The following SHLD1 variants were observed in gnomAD, a reference collection of about 807,000 sequenced individuals.
The protein encoded by SHLD1 is RINN1-REV7-interacting novel NHEJ regulator 3.
In SHLD1, 3 loss-of-function variants were observed where a neutral mutation model predicts 5.5. The observed-to-expected ratio is 0.54, with a 90% CI of 0.25 to 1.40. SHLD1 has a LOEUF of 1.40. SHLD1 is among the 40% of genes most tolerant of loss of function. The pLI is 0.15. For synonymous variants in SHLD1, 92 were observed against 94.3 expected (o/e 0.98, Z 0.14); for missense variants, 210 against 244.4 (o/e 0.86, Z 0.94).
chr20:5,769,252 T>C (rs997036005), intron 1 of SHLD1, among the ~76,000 whole-genome samples: 2 of 152,218 alleles, frequency 1.3e-5, no homozygotes, highest in African/African-American at 2.4e-5. Context: ...CTGTGTGGTA[T>C]TTCATTGAGA....
Position 5,779,709 on chromosome 20 carries a change from A to T in SHLD1, c.178+6666A>T, listed in dbSNP as rs114760448. ...AGCCAAGGTTTCCAGTTGGAGGGTCATTCAGGGTGACTCACCATTGGTCTC... is the reference window on the plus strand; with the variant it reads ...AGCCAAGGTTTCCAGTTGGAGGGTCTTTCAGGGTGACTCACCATTGGTCTC... On this transcript the variant is annotated intron_variant, in intron 2 of 2. Transcript: ENST00000303142. 5.4e-3 allele frequency among the ~76,000 whole-genome samples: 829 copies of T among 152,294 alleles called. 10 individuals are homozygous for T. Among genetic ancestry groups the T allele is most frequent in the African/African-American group, 0.019 (785 of 41,560 alleles).
At chr20:5,807,890 C>T (rs1020258489) in intron 2 of SHLD1, among the ~76,000 whole-genome samples, 1 of 152,136 alleles carries the variant, frequency 6.6e-6, no homozygotes, top group South Asian at 2.1e-4. Context: ...ATTGTTGTGA[C>T]ACTTGTGATA....
Position 5,762,987 on chromosome 20 carries a change from AAAAAT to A in SHLD1, c.-4-9873_-4-9869del, listed in dbSNP as rs1177787465. Among the ~76,000 whole-genome samples the A allele has an allele frequency of 4.8e-4, 73 of 151,292 alleles. No individual in the cohort carries two copies. In the East Asian group the frequency reaches 0.013, roughly 26 times the overall value. ...ACTCCGTCTCAAAAAAAAAAAAAAAAAAAATAGCACCTAATTGCCACAAAGAAGTG... is the reference window on the plus strand; with the variant it reads ...ACTCCGTCTCAAAAAAAAAAAAAAAAAGCACCTAATTGCCACAAAGAAGTG... On this transcript the variant is annotated intron_variant, in intron 1 of 2. Coordinates refer to ENST00000303142, the MANE Select transcript of SHLD1 (RefSeq NM_152504.4).
At chr20:5,815,230 G>A (rs111339797) in intron 2 of SHLD1, among the ~76,000 whole-genome samples, 3,236 of 152,242 alleles carry the variant, frequency 0.021, 124 homozygotes, top group African/African-American at 0.074. Context: ...TGATCTTGAT[G>A]CCCGGGACTC....
rs556134697 is a variant in SHLD1 at position 5,752,223 on chromosome 20, C to A, written c.-5+1744C>A. On this transcript the variant is annotated intron_variant, in intron 1 of 2. Coordinates refer to ENST00000303142, the MANE Select transcript of SHLD1 (RefSeq NM_152504.4). ...CCAGCCTGGCCAACATGATGAAACA[C>A]CATCTCTACGAAAAATAAAAAAATT... is the stretch of plus-strand genomic sequence containing the variant. Among the ~76,000 whole-genome samples the A allele has an allele frequency of 4.6e-5, 7 of 152,106 alleles. No individual in the cohort carries two copies. In the East Asian group the frequency reaches 5.8e-4, roughly 13 times the overall value.
chr20:5,833,282 G>C (rs1005397309), intron 2 of SHLD1, among the ~76,000 whole-genome samples: 13 of 152,086 alleles, frequency 8.5e-5, no homozygotes, highest in African/African-American at 3.1e-4. Flanking sequence ...TTTAGGTTGA[G>C]GGGTACACGT....
intron 2 of SHLD1, among the ~76,000 whole-genome samples, chr20:5,814,198 C>T (rs1458804418): frequency 2.6e-5 from 4 of 151,940 alleles, no homozygotes; most frequent in African/African-American, 7.3e-5. Context: ...TCAAGCGATC[C>T]ACCCACCTTG....
intron 2 of SHLD1, among the ~76,000 whole-genome samples, chr20:5,810,576 C>T (rs750878737): frequency 9.9e-5 from 15 of 151,932 alleles, no homozygotes; most frequent in Admixed American, 2.6e-4. Flanking sequence ...TCCATTGATT[C>T]TTTCTATTTC....
chr20:5,832,845 A>C (rs1361189150), intron 2 of SHLD1, among the ~76,000 whole-genome samples: 1 of 148,102 alleles, frequency 6.8e-6, no homozygotes, highest in African/African-American at 2.5e-5. Flanking sequence ...ATAAATAAAT[A>C]AATGGGGAAA....
At chr20:5,818,044 T>G (rs1684489050) in intron 2 of SHLD1, among the ~76,000 whole-genome samples, 2 of 152,096 alleles carry the variant, frequency 1.3e-5, no homozygotes, top group Non-Finnish European at 2.9e-5. Context: ...TTTGTCCAGT[T>G]TTCTTTTCTT....
chr20:5,815,086 G>A (rs1367415095), intron 2 of SHLD1, among the ~76,000 whole-genome samples: 2 of 152,138 alleles, frequency 1.3e-5, no homozygotes, highest in African/African-American at 2.4e-5. Context: ...TCATGCCTGC[G>A]AGACAGCGGC....
At chr20:5,760,209 A>G (rs1363953852) in intron 1 of SHLD1, among the ~76,000 whole-genome samples, 2 of 152,108 alleles carry the variant, frequency 1.3e-5, no homozygotes, top group Non-Finnish European at 2.9e-5. Flanking sequence ...GCTTCTGGAA[A>G]GGTCTAGAGA....
intron 2 of SHLD1, among the ~76,000 whole-genome samples, chr20:5,854,842 A>G (rs547461349): frequency 3.7e-4 from 53 of 145,024 alleles, no homozygotes; most frequent in African/African-American, 1.4e-3. Context: ...GCTTCTGGTA[A>G]CCACCATTCT....
intron 2 of SHLD1, among the ~76,000 whole-genome samples, chr20:5,821,100 C>A (rs1345458920): frequency 6.6e-6 from 1 of 152,200 alleles, no homozygotes; most frequent in Non-Finnish European, 1.5e-5. Flanking sequence ...GCTTAATCAA[C>A]TGAGAAAATA....
At chr20:5,820,358 G>A (rs2087593017) in intron 2 of SHLD1, among the ~76,000 whole-genome samples, 1 of 152,240 alleles carries the variant, frequency 6.6e-6, no homozygotes, top group Admixed American at 6.5e-5. Context: ...ATACAAAAGA[G>A]TATTTGGTAG....
At chr20:5,815,838 T>C (rs1410246150) in intron 2 of SHLD1, among the ~76,000 whole-genome samples, 2 of 152,188 alleles carry the variant, frequency 1.3e-5, no homozygotes, top group African/African-American at 4.8e-5. Context: ...CCCAGCACTT[T>C]GGGAGGCCAT....
At chr20:5,837,079 C>G (rs1172055856) in intron 2 of SHLD1, among the ~76,000 whole-genome samples, 1 of 152,128 alleles carries the variant, frequency 6.6e-6, no homozygotes, top group African/African-American at 2.4e-5. Context: ...TGGAGGGCAG[C>G]CAGGCCAACT....
In SHLD1 at chr20:5,773,362, T is replaced by TG. The variant is rs202194457; in HGVS notation, c.178+319_178+320insG. 1,845 of 578,900 alleles carry TG rather than the reference T, an allele frequency of 3.2e-3. 21 individuals are homozygous for TG. The highest frequency in any genetic ancestry group is 0.027 in the African/African-American group (1,464 of 53,646). 35.9% of individuals were successfully genotyped at this position (578,900 alleles called of 1,614,324 possible). A position where few individuals can be genotyped will look rare whatever the true frequency, so the allele number is the denominator to read the frequency against. ...TTCAACAAAGAGAGAGTGGAATTTT[T>TG]TTTTGTTTTGTTCTTTTAAAACTTC... On this transcript the variant is annotated intron_variant, in intron 2 of 2. Transcript: ENST00000303142.
At position 5,768,716 on chromosome 20, in the gene SHLD1, A is replaced by G. The variant is rs140240903; in HGVS notation, c.-4-4146A>G. Reference sequence around the variant, plus strand: ...TATTTCTTACACATACATCTTACACATGGCATTTTATTTTATATAATCTGG... The same window carrying G: ...TATTTCTTACACATACATCTTACACGTGGCATTTTATTTTATATAATCTGG... On this transcript the variant is annotated intron_variant, in intron 1 of 2. Transcript: ENST00000303142. Among the ~76,000 whole-genome samples the G allele has an allele frequency of 5.3e-3, 801 of 152,304 alleles. 6 individuals carry two copies. Among genetic ancestry groups the G allele is most frequent in the African/African-American group, 0.018 (754 of 41,580 alleles).
Sources: allele counts gnomAD v4.1 joint callset (sites outside exome capture counted in the v4.1 genomes callset), GRCh38; gene constraint gnomAD v4.1.1; transcripts MANE v1.5; gene names NCBI Gene and HGNC (gene_info 2026-07-23, HGNC 2026-07-21).